Variants in CDK6 observed in about 807,000 individuals in gnomAD.
CDK6 encodes the protein cyclin-dependent kinase 6.
CDK6 carries 6 observed loss-of-function variants against 37.1 expected under a neutral mutation model. The ratio of observed to expected loss-of-function variants is 0.16; its 90% CI spans 0.09 to 0.32. CDK6 has a LOEUF of 0.32. Among genes scored for constraint, CDK6 ranks in the 10% least tolerant of loss-of-function variants. The pLI, the probability that CDK6 is intolerant of heterozygous loss-of-function variation, is 1.00. For synonymous variants in CDK6, 160 were observed against 161.3 expected (o/e 0.99, Z 0.06); for missense variants, 224 against 418.9 (o/e 0.53, Z 4.06).
At position 92,826,862 on chromosome 7, in the gene CDK6, C is replaced by T. The variant is rs62466077; in HGVS notation, c.233+6229G>A. On this transcript the variant is annotated intron_variant, in intron 2 of 7. Coordinates refer to ENST00000424848, the MANE Select transcript of CDK6 (RefSeq NM_001145306.2). ...TTTAAAATTTCAATCAATCAGGAAA[C>T]ATATACGGGTTAACCAATGGTTATG... 3.0e-3 allele frequency among the ~76,000 whole-genome samples: 453 copies of T among 152,186 alleles called. 1 individual carries two copies. The highest frequency in any genetic ancestry group is 4.4e-3 in the Non-Finnish European group (298 of 67,980).
chr7:92,726,907 T>C (rs994908291), intron 3 of CDK6, among the ~76,000 whole-genome samples: 4 of 152,336 alleles, frequency 2.6e-5, no homozygotes, highest in African/African-American at 9.6e-5. Flanking sequence ...CACTTTATCA[T>C]AGGATCATTG....
intron 5 of CDK6, among the ~76,000 whole-genome samples, chr7:92,652,730 T>C (rs1427791012): frequency 6.6e-6 from 1 of 152,212 alleles, no homozygotes; most frequent in Admixed American, 6.5e-5. Flanking sequence ...GAAGTCATAG[T>C]TCTCAGAGCT....
intron 4 of CDK6, among the ~76,000 whole-genome samples, chr7:92,720,111 AG>A (rs1276563746): frequency 4.6e-5 from 7 of 152,194 alleles, no homozygotes; most frequent in Admixed American, 6.5e-5. Context: ...GAAAACCAGG[AG>A]GCACCAGTTC....
In CDK6 at chr7:92,833,044, C is replaced by G. The variant is rs1258820590; in HGVS notation, c.233+47G>C. The G allele has an allele frequency of 2.2e-6, 3 of 1,385,898 alleles. No individual in the cohort carries two copies. Among genetic ancestry groups the G allele is most frequent in the African/African-American group, 2.8e-5 (2 of 70,222 alleles). 85.9% of individuals were successfully genotyped at this position (1,385,898 alleles called of 1,614,324 possible). On this transcript the variant is annotated intron_variant, in intron 2 of 7. Transcript: ENST00000424848. This position sits in a 1 kb window ranked among gnomAD's most constrained non-coding sequence, Gnocchi z 6.1. ...TGAGGATTCCCGGCTCGGCCCTCCC[C>G]GCGCGCGCGAGGCCCCAGATGGCGA...
intron 2 of CDK6, among the ~76,000 whole-genome samples, chr7:92,804,900 C>CA (rs1800684349): frequency 6.6e-6 from 1 of 152,140 alleles, no homozygotes; most frequent in African/African-American, 2.4e-5. Flanking sequence ...CCCTGGGGAA[C>CA]AAATTCACCC....
chr7:92,619,803 T>C (rs1275040858), intron 6 of CDK6, among the ~76,000 whole-genome samples: 10 of 152,010 alleles, frequency 6.6e-5, no homozygotes, highest in Admixed American at 6.6e-4. Flanking sequence ...TTCATGGACA[T>C]ATTTACTAGA....
chr7:92,778,132 A>G (rs1285995895), intron 2 of CDK6, among the ~76,000 whole-genome samples: 1 of 152,106 alleles, frequency 6.6e-6, no homozygotes, highest in Non-Finnish European at 1.5e-5. Context: ...ACACTTAACA[A>G]AAAAACCCCA....
intron 3 of CDK6, among the ~76,000 whole-genome samples, chr7:92,755,543 G>C (rs762522401): frequency 7.2e-5 from 11 of 152,098 alleles, no homozygotes; most frequent in Non-Finnish European, 1.6e-4. Flanking sequence ...GTGATGAGAG[G>C]AGCTGAAACA....
intron 5 of CDK6, among the ~76,000 whole-genome samples, chr7:92,670,526 T>C (rs1224119417): frequency 6.6e-6 from 1 of 152,234 alleles, no homozygotes; most frequent in Non-Finnish European, 1.5e-5. Context: ...AAAAAAAAGA[T>C]TAGATTATGA....
intron 4 of CDK6, chr7:92,710,826 CG>C: frequency 1.0e-6 from 1 of 985,378 alleles, no homozygotes; most frequent in Non-Finnish European, 1.2e-6. Flanking sequence ...CCCGGGCAGA[CG>C]GATGACTTGG....
At chr7:92,674,833 T>C (rs1797168137) in intron 4 of CDK6, among the ~76,000 whole-genome samples, 1 of 152,334 alleles carries the variant, frequency 6.6e-6, no homozygotes, top group East Asian at 1.9e-4. Flanking sequence ...AAATATTATT[T>C]CTTTCTTTTT....
rs562410452 is a variant in CDK6 at position 92,671,963 on chromosome 7, T to C, written c.538-428A>G. The stretch of plus-strand genomic sequence containing the variant: ...GATGATGGCATACAGAGTGGTGTAA[T>C]GGACTTTGGAGACTCAGAAAGGGGG... On this transcript the variant is annotated intron_variant, in intron 4 of 7. Coordinates refer to ENST00000424848, the MANE Select transcript of CDK6 (RefSeq NM_001145306.2). Among the ~76,000 whole-genome samples the C allele has an allele frequency of 7.3e-5, 11 of 151,036 alleles. No individual in the cohort carries two copies. The East Asian group carries it at 2.1e-3, about 29-fold the overall frequency.
chr7:92,630,061 T>A (rs1159032518), intron 5 of CDK6, among the ~76,000 whole-genome samples: 1 of 152,100 alleles, frequency 6.6e-6, no homozygotes, highest in Non-Finnish European at 1.5e-5. Flanking sequence ...GGTTAGGGCT[T>A]CAATGTAAGA....
intron 2 of CDK6, among the ~76,000 whole-genome samples, chr7:92,810,157 C>A (rs1027737230): frequency 6.6e-6 from 1 of 152,142 alleles, no homozygotes; most frequent in Non-Finnish European, 1.5e-5. Context: ...ATATGTATAT[C>A]ATTTACTATC....
rs1254710727 is a variant in CDK6 at position 92,672,158 on chromosome 7, T to TATATATACAC, written c.538-624_538-623insGTGTATATAT. Reference sequence around the variant, plus strand: ...ACATATATATATATATATATATATATATACACATACACACACACACACACA... The same window carrying TATATATACAC: ...ACATATATATATATATATATATATATATATATACACATACACATACACACACACACACACA... On this transcript the variant is annotated intron_variant, in intron 4 of 7. Transcript: ENST00000424848. Among the ~76,000 whole-genome samples, 895 of 102,692 alleles carry TATATATACAC rather than the reference T, an allele frequency of 8.7e-3. 40 individuals are homozygous for TATATATACAC. The highest frequency in any genetic ancestry group is 0.06 in the East Asian group (172 of 2,868). 67.4% of individuals were successfully genotyped at this position (102,692 alleles called of 152,430 possible).
intron 2 of CDK6, among the ~76,000 whole-genome samples, chr7:92,789,427 C>A (rs769142299): frequency 1.3e-5 from 2 of 152,126 alleles, no homozygotes; most frequent in African/African-American, 4.8e-5. Context: ...ATTTAAAAAA[C>A]AAATGCATAG....
chr7:92,722,029 T>TGGG (rs767634735), intron 4 of CDK6, among the ~76,000 whole-genome samples: 11 of 152,262 alleles, frequency 7.2e-5, no homozygotes, highest in Admixed American at 4.6e-4. Flanking sequence ...TGTCAGGTGA[T>TGGG]CATGAACTTA....
chr7:92,705,909 G>T (rs1026335261), intron 4 of CDK6, among the ~76,000 whole-genome samples: 3 of 152,230 alleles, frequency 2.0e-5, no homozygotes, highest in Non-Finnish European at 4.4e-5. Context: ...TTTTCTGAAT[G>T]GGGGGCATTC....
At chr7:92,756,735 T>A (rs140088955) in intron 3 of CDK6, among the ~76,000 whole-genome samples, 4 of 152,276 alleles carry the variant, frequency 2.6e-5, no homozygotes, top group South Asian at 2.1e-4. Flanking sequence ...TCTTTGGCCA[T>A]CCTGTTAAAG....
Sources: allele counts gnomAD v4.1 joint callset (sites outside exome capture counted in the v4.1 genomes callset), GRCh38; gene constraint gnomAD v4.1.1; non-coding constraint Gnocchi (gnomAD v3.1); transcripts MANE v1.5; gene names NCBI Gene and HGNC (gene_info 2026-07-23, HGNC 2026-07-21).